The following EPS8L2 variants were observed in gnomAD, a reference collection of about 807,000 sequenced individuals.
EPS8L2 encodes EPS8 signaling adaptor L2, also known as epidermal growth factor receptor kinase substrate 8-like protein 2.
Under a neutral mutation model 99.4 loss-of-function variants are expected in EPS8L2, and 81 were observed. The ratio of observed to expected loss-of-function variants is 0.82; its 90% CI spans 0.68 to 0.98. EPS8L2 has a LOEUF of 0.98. Among genes scored for constraint, EPS8L2 ranks in the 50% least tolerant of loss-of-function variants. The probability of loss-of-function intolerance (pLI) is 0.00; values close to 1 mark genes in which losing one functional copy is unlikely to be tolerated. For missense variants in EPS8L2, 1,155 were observed against 968.8 expected (o/e 1.19, Z -2.55); for synonymous variants, 509 against 407.3 (o/e 1.25, Z -3.01).
At chr11:715,536 T>C (rs1861998447) in intron 4 of EPS8L2, among the ~76,000 whole-genome samples, 1 of 152,114 alleles carries the variant, frequency 6.6e-6, no homozygotes, top group Non-Finnish European at 1.5e-5. Context: ...CAGTAGTCTG[T>C]GTAAAGTGCG....
chr11:713,701 C>T (rs1398159558), intron 4 of EPS8L2, among the ~76,000 whole-genome samples: 1 of 152,240 alleles, frequency 6.6e-6, no homozygotes, highest in Admixed American at 6.5e-5. Context: ...CGCACCACCA[C>T]ACCCAGCTAA....
chr11:715,396 C>T (rs1168880698), intron 4 of EPS8L2, among the ~76,000 whole-genome samples: 1 of 151,878 alleles, frequency 6.6e-6, no homozygotes, highest in African/African-American at 2.4e-5. Flanking sequence ...GTAGTGATGC[C>T]CCCTCTTTTG....
At chr11:714,976 C>T (rs1258472246) in intron 4 of EPS8L2, among the ~76,000 whole-genome samples, 1 of 152,154 alleles carries the variant, frequency 6.6e-6, no homozygotes, top group Non-Finnish European at 1.5e-5. Flanking sequence ...GGCGCGGTGG[C>T]TCATGCCTGT....
At chr11:715,618 G>GTTTTT (rs929222502) in intron 4 of EPS8L2, among the ~76,000 whole-genome samples, 12 of 120,030 alleles carry the variant, frequency 1.0e-4, no homozygotes, top group Admixed American at 1.7e-4. Flanking sequence ...TTTTTCTTTT[G>GTTTTT]TTTTTTTTTT....
chr11:707,777 G>A lies in EPS8L2; in HGVS notation c.-79+1489G>A, dbSNP rs147330483. The stretch of plus-strand genomic sequence containing the variant: ...ACCTGGCCTTCCCCAGGGGGGTCGC[G>A]TGTCACAGCCCTCCATGTTTGCGTG... On this transcript the variant is annotated intron_variant, in intron 1 of 20. Transcript: ENST00000318562. 7.7e-3 allele frequency among the ~76,000 whole-genome samples: 1,167 copies of A among 152,254 alleles called. 12 individuals are homozygous for A. Among genetic ancestry groups the A allele is most frequent in the African/African-American group, 0.026 (1,099 of 41,552 alleles).
chr11:720,546 C>CA (rs1862129192), intron 5 of EPS8L2, 51 bp from the exon 6 acceptor site: 1 of 1,566,648 alleles, frequency 6.4e-7, no homozygotes, highest in Admixed American at 1.9e-5. Flanking sequence ...CACTCCCTGC[C>CA]AGAGTGCCCA....
At chr11:720,426 C>G (rs368090270) in intron 5 of EPS8L2, 171 bp from the exon 6 acceptor site, 16 of 1,193,196 alleles carry the variant, frequency 1.3e-5, no homozygotes, top group Non-Finnish European at 1.7e-5. Flanking sequence ...CCGGGGTCAG[C>G]CTTGCGGTAC....
intron 4 of EPS8L2, among the ~76,000 whole-genome samples, chr11:711,491 T>C (rs1160928287): frequency 1.3e-5 from 2 of 152,036 alleles, no homozygotes; most frequent in African/African-American, 2.4e-5. Flanking sequence ...GCCTACAGGC[T>C]GGCCCCACCA....
At position 721,883 on chromosome 11, in the gene EPS8L2, C is replaced by T. The variant is rs1466373673; in HGVS notation, c.896-20C>T. On this transcript the variant is annotated intron_variant, in intron 10 of 20. Coordinates refer to ENST00000318562, the MANE Select transcript of EPS8L2 (RefSeq NM_022772.4). ...GGGAGATCAGGGCCAGCCTGGCTCA[C>T]GCGGTGCCTCCCATGCCAGAGGGCG... 8 of 1,570,968 alleles carry T rather than the reference C, an allele frequency of 5.1e-6. No individual in the cohort carries two copies. The Admixed American group carries it at 7.5e-5, about 15-fold the overall frequency.
Position 724,394 on chromosome 11 carries a change from C to T in EPS8L2, c.1455-330C>T, listed in dbSNP as rs192532637. Among the ~76,000 whole-genome samples the T allele has an allele frequency of 3.3e-5, 5 of 152,278 alleles. No individual in the cohort carries two copies. The East Asian group carries it at 9.6e-4, about 29-fold the overall frequency. The stretch of plus-strand genomic sequence containing the variant: ...GCGGGGAGCTGTGACCCTGGCGTTT[C>T]CCAGGAACGCCCCTGGCTCTGGTTC... On this transcript the variant is annotated intron_variant, in intron 15 of 20. Transcript: ENST00000318562. This position sits in a 1 kb window ranked among gnomAD's most constrained non-coding sequence, Gnocchi z 5.5.
chr11:723,671 T>C (rs1218686442), intron 15 of EPS8L2, among the ~76,000 whole-genome samples: 4 of 152,176 alleles, frequency 2.6e-5, no homozygotes, highest in Non-Finnish European at 5.9e-5. Context: ...TGGCACCCTG[T>C]TGGGGCTGTT....
Position 726,635 on chromosome 11 carries a change from G to A in EPS8L2, c.1951G>A (p.Gly651Ser). 6.4e-7 allele frequency: 1 copy of A among 1,554,370 alleles called. No homozygotes were observed. Among genetic ancestry groups the A allele is most frequent in the South Asian group, 1.2e-5 (1 of 84,312 alleles). The change falls in exon 20 of 21, where the codon GGC becomes AGC. Residue 651 changes from glycine to serine, a missense_variant. Coordinates refer to ENST00000318562, the MANE Select transcript of EPS8L2 (RefSeq NM_022772.4). ...CGCCCCCAGGATCGTGGAGAACCTG[G>A]GCATCCTGACCGGGCCGCAGCTCTT... ...AFSPRIVENL[G>S]ILTGPQLFSL...
At position 726,789 on chromosome 11, in the gene EPS8L2, C is replaced by T. The variant is rs1442117503; in HGVS notation, c.2067+38C>T. 1.9e-6 allele frequency: 3 copies of T among 1,579,026 alleles called. No homozygotes were observed. In the African/African-American group the frequency reaches 4.0e-5, roughly 21 times the overall value. On this transcript the variant is annotated intron_variant, in intron 20 of 20. Transcript: ENST00000318562. ...GCGCTCCGGCGCCACGCCCCTCCTG[C>T]CCCTGCGCCCTCCTCTCCCCCGCCC...
At chr11:709,293 C>T (rs985031395) in intron 1 of EPS8L2, 37 bp from the exon 2 acceptor site, 21 of 1,276,820 alleles carry the variant, frequency 1.6e-5, no homozygotes, top group Non-Finnish European at 2.2e-5. Context: ...CCAGCCAGGC[C>T]GGAGGAAGTG....
chr11:720,985 G>GGGAGGGAGGGGAGGAGCCGGCAGGGA (rs200537412), intron 7 of EPS8L2, 76 bp downstream of exon 7: 2 of 1,372,612 alleles, frequency 1.5e-6, no homozygotes, highest in Admixed American at 2.2e-5. Flanking sequence ...GGAGCCGGCA[G>GGGAGGGAGGGGAGGAGCCGGCAGGGA]GGGAGGGGAG....
chr11:727,452 C>T lies in EPS8L2; in HGVS notation c.*471C>T, dbSNP rs75754018. ...CCCGGGAGGGGCTCCAGCAGGAGGC[C>T]GTGGGTGCCATTCGGGGGAAAGTGG... On this transcript the variant is annotated 3_prime_UTR_variant, in exon 21 of 21. Transcript: ENST00000318562. 12,120 of 154,152 alleles carry T rather than the reference C, an allele frequency of 0.079. 588 individuals are homozygous for T. Among genetic ancestry groups the T allele is most frequent in the Non-Finnish European group, 0.11 (7,781 of 69,124 alleles). The allele number at this position is 154,152 out of a possible 1,614,324, so 9.5% of individuals were successfully genotyped here.
Position 721,312 on chromosome 11 carries a change from A to G in EPS8L2, c.728A>G (p.Glu243Gly), listed in dbSNP as rs1297335579. The G allele has an allele frequency of 6.5e-7, 1 of 1,539,066 alleles. No homozygotes were observed. The highest frequency in any genetic ancestry group is 1.4e-5 in the African/African-American group (1 of 72,568). The change falls in exon 9 of 21, where the codon GAG becomes GGG. Residue 243 changes from glutamate (E) to glycine (G), a missense_variant. Glu to Gly is a moderately conservative substitution (Grantham distance 98). Coordinates refer to ENST00000318562, the MANE Select transcript of EPS8L2 (RefSeq NM_022772.4). ...TTCCGCCGTCGGGAGTCGCAGGAGG[A>G]GCCGCGGGCCGTGCTGGCTCAGAAG... ...PGFRRRESQE[E>G]PRAVLAQKIE...
chr11:726,386 C>G lies in EPS8L2; in HGVS notation c.1836C>G (p.Phe612Leu). Residue 612 changes from phenylalanine to leucine, a missense_variant, in exon 19 of 21, where the codon TTC becomes TTG. Phe to Leu is a conservative substitution (Grantham distance 22). Transcript: ENST00000318562. ...TCAGGGCGCAGCCACAGAGGCACTTCCGCGTGGAGCGCAGCCAGCCCGTGA... is the reference window on the plus strand; with the variant it reads ...TCAGGGCGCAGCCACAGAGGCACTTGCGCGTGGAGCGCAGCCAGCCCGTGA... ...SNIRAQPQRH[F>L]RVERSQPVSQ... 1 of 1,609,798 alleles carries G rather than the reference C, an allele frequency of 6.2e-7. No homozygotes were observed. The highest frequency in any genetic ancestry group is 1.1e-5 in the South Asian group (1 of 90,584).
At chr11:715,591 A>G (rs1282938071) in intron 4 of EPS8L2, among the ~76,000 whole-genome samples, 1 of 101,992 alleles carries the variant, frequency 9.8e-6, no homozygotes, top group South Asian at 3.2e-4. Context: ...TGTGGGTTTT[A>G]TTTGATTCAC....
Sources: gnomAD v4.1 joint callset for allele counts (sites outside exome capture counted in the v4.1 genomes callset) on GRCh38, gnomAD v4.1.1 for gene constraint, Gnocchi (gnomAD v3.1) non-coding constraint, MANE v1.5 for transcripts, NCBI Gene and HGNC (gene_info 2026-07-23, HGNC 2026-07-21) for gene names.